Variants in SPAG16 observed in about 807,000 individuals in gnomAD.
SPAG16 encodes the protein sperm-associated antigen 16 protein.
SPAG16 carries 86 observed loss-of-function variants against 80.4 expected under a neutral mutation model. The observed-to-expected ratio is 1.07, with a 90% CI of 0.90 to 1.28. The LOEUF (loss-of-function observed/expected upper bound fraction) is 1.28. SPAG16 is among the 50% of genes most tolerant of loss of function. The probability of loss-of-function intolerance (pLI) is 0.00; values close to 1 mark genes in which losing one functional copy is unlikely to be tolerated. For synonymous variants in SPAG16, 294 were observed against 265.9 expected, an observed-to-expected ratio of 1.11 and a Z score of -1.03; for missense variants, 870 against 765.3, an observed-to-expected ratio of 1.14 and a Z score of -1.61.
intron 10 of SPAG16, among the ~76,000 whole-genome samples, chr2:213,791,070 G>T (rs528083657): frequency 6.6e-6 from 1 of 151,922 alleles, no homozygotes; most frequent in African/African-American, 2.4e-5. Context: ...TCCAATTGTG[G>T]TTAATTTAGC....
chr2:214,200,523 T>A (rs1275279606), intron 15 of SPAG16, among the ~76,000 whole-genome samples: 1 of 152,096 alleles, frequency 6.6e-6, no homozygotes, highest in African/African-American at 2.4e-5. Context: ...TCTATGTTCA[T>A]CAGGGATATT....
intron 15 of SPAG16, among the ~76,000 whole-genome samples, chr2:214,286,550 C>A (rs1271548713): frequency 6.6e-6 from 1 of 152,098 alleles, no homozygotes; most frequent in Non-Finnish European, 1.5e-5. Flanking sequence ...AGTTGGAGAC[C>A]AGCCTGGCCA....
At chr2:214,107,709 A>G (rs1409115977) in intron 13 of SPAG16, among the ~76,000 whole-genome samples, 1 of 152,202 alleles carries the variant, frequency 6.6e-6, no homozygotes, top group Non-Finnish European at 1.5e-5. Context: ...TATATATTTT[A>G]TAAATTTTTA....
chr2:213,511,061 T>C (rs997790794), intron 10 of SPAG16, among the ~76,000 whole-genome samples: 1 of 152,196 alleles, frequency 6.6e-6, no homozygotes, highest in Non-Finnish European at 1.5e-5. Context: ...AAATGCTAAA[T>C]GGCATTTGGG....
intron 10 of SPAG16, among the ~76,000 whole-genome samples, chr2:213,503,989 A>T (rs912309804): frequency 2.0e-5 from 3 of 152,178 alleles, no homozygotes; most frequent in Non-Finnish European, 4.4e-5. Context: ...GGAACTTTGT[A>T]TGGCAGACAT....
chr2:213,488,653 T>G (rs2074098684), intron 9 of SPAG16, among the ~76,000 whole-genome samples: 1 of 152,094 alleles, frequency 6.6e-6, no homozygotes, highest in African/African-American at 2.4e-5. Context: ...GGAAAAAAAT[T>G]AAGTAATTAA....
intron 15 of SPAG16, among the ~76,000 whole-genome samples, chr2:214,207,616 G>A (rs995344153): frequency 3.3e-5 from 5 of 152,040 alleles, no homozygotes; most frequent in Non-Finnish European, 5.9e-5. Context: ...TTAATATTAC[G>A]TGTCAGCTTG....
intron 13 of SPAG16, among the ~76,000 whole-genome samples, chr2:214,056,013 T>C (rs1205886068): frequency 6.6e-6 from 1 of 152,188 alleles, no homozygotes; most frequent in Non-Finnish European, 1.5e-5. Context: ...AGTTCAATGA[T>C]ATGATCCCTG....
chr2:213,520,085 C>CG (rs2075601291), intron 10 of SPAG16, among the ~76,000 whole-genome samples: 2 of 125,118 alleles, frequency 1.6e-5, no homozygotes, highest in Non-Finnish European at 3.7e-5. Flanking sequence ...AGAGCAAGAG[C>CG]AAGAGAGAGA....
chr2:214,065,749 T>G (rs943574111), intron 13 of SPAG16, among the ~76,000 whole-genome samples: 3 of 152,138 alleles, frequency 2.0e-5, no homozygotes, highest in East Asian at 1.9e-4. Context: ...CTGGTTAAAA[T>G]AAGAAGCCCT....
chr2:213,387,376 A>G (rs1279860243), intron 9 of SPAG16, among the ~76,000 whole-genome samples: 1 of 133,288 alleles, frequency 7.5e-6, no homozygotes, highest in Non-Finnish European at 1.6e-5. Context: ...TGTTTCTTCC[A>G]TCCTTTTTTT....
chr2:213,444,138 T>C (rs1559138899), intron 9 of SPAG16, among the ~76,000 whole-genome samples: 1 of 152,232 alleles, frequency 6.6e-6, no homozygotes, highest in Non-Finnish European at 1.5e-5. Context: ...AATCATTTTC[T>C]GTTTTCAGAG....
intron 12 of SPAG16, among the ~76,000 whole-genome samples, chr2:213,931,440 A>G (rs1014583359): frequency 1.3e-5 from 2 of 152,174 alleles, no homozygotes; most frequent in Non-Finnish European, 2.9e-5. Context: ...TATTTCTATA[A>G]TGTGTGACTG....
In SPAG16 at chr2:213,349,638, C is replaced by A. The variant is rs138763433; in HGVS notation, c.645-890C>A. Among the ~76,000 whole-genome samples the A allele has an allele frequency of 1.1e-3, 170 of 152,204 alleles. 1 individual carries two copies. The highest frequency in any genetic ancestry group is 3.9e-3 in the African/African-American group (164 of 41,550). ...TATTCATGATAGCCCAAACTAAAAT[C>A]CACTCAAGTTTTCATCAGCAAAATA... On this transcript the variant is annotated intron_variant, in intron 6 of 15. Coordinates refer to ENST00000331683, the MANE Select transcript of SPAG16 (RefSeq NM_024532.5).
chr2:214,273,558 C>T (rs1017182785), intron 15 of SPAG16, among the ~76,000 whole-genome samples: 2 of 152,044 alleles, frequency 1.3e-5, no homozygotes, highest in Non-Finnish European at 2.9e-5. Context: ...AATCCTTTCC[C>T]CATTTATTTC....
At chr2:214,359,916 A>C (rs1042941440) in intron 15 of SPAG16, among the ~76,000 whole-genome samples, 1 of 151,890 alleles carries the variant, frequency 6.6e-6, no homozygotes, top group African/African-American at 2.4e-5. Context: ...ACTTGGTTAC[A>C]GTCCCTCTGA....
intron 10 of SPAG16, among the ~76,000 whole-genome samples, chr2:213,702,979 C>G (rs1441415630): frequency 6.6e-6 from 1 of 152,164 alleles, no homozygotes; most frequent in Non-Finnish European, 1.5e-5. Flanking sequence ...AGGATTATAC[C>G]TGCCCACAAT....
intron 12 of SPAG16, among the ~76,000 whole-genome samples, chr2:213,999,942 TA>T (rs144402821): frequency 0.025 from 3,871 of 152,284 alleles, 162 homozygotes; most frequent in African/African-American, 0.089. Flanking sequence ...CTATTGTATC[TA>T]GGAAGTAACT....
At chr2:213,960,683 C>T (rs942293411) in intron 12 of SPAG16, among the ~76,000 whole-genome samples, 2 of 152,184 alleles carry the variant, frequency 1.3e-5, no homozygotes, top group African/African-American at 2.4e-5. Context: ...TGTGTGGTCA[C>T]TTTCTAATTT....
Sources: allele counts gnomAD v4.1 joint callset (sites outside exome capture counted in the v4.1 genomes callset), GRCh38; gene constraint gnomAD v4.1.1; transcripts MANE v1.5; gene names NCBI Gene and HGNC (gene_info 2026-07-23, HGNC 2026-07-21).